UPF3A: variants seen among roughly 807,000 people sequenced by gnomAD.
UPF3A encodes the protein UPF3A regulator of nonsense mediated mRNA decay, also known as regulator of nonsense transcripts 3A.
A neutral mutation model predicts 53.5 loss-of-function variants in UPF3A; 42 were observed. The observed-to-expected ratio is 0.78, with a 90% CI of 0.61 to 1.01. UPF3A has a LOEUF of 1.01. UPF3A is among the 50% of genes least tolerant of loss of function. The pLI, the probability that UPF3A is intolerant of heterozygous loss-of-function variation, is 0.00. For missense variants in UPF3A, 575 were observed against 598.0 expected, an observed-to-expected ratio of 0.96 and a Z score of 0.40; for synonymous variants, 237 against 225.3, an observed-to-expected ratio of 1.05 and a Z score of -0.47.
chr13:114,302,135 T>G, intron 9 of UPF3A, 110 bp downstream of exon 9: 1 of 1,131,758 alleles, frequency 8.8e-7, no homozygotes, highest in Non-Finnish European at 1.2e-6. Context: ...CGCAGTGCTT[T>G]GAGCATTTTC....
intron 8 of UPF3A, among the ~76,000 whole-genome samples, chr13:114,301,328 T>C (rs1018030111): frequency 6.6e-6 from 1 of 151,832 alleles, no homozygotes; most frequent in Admixed American, 6.6e-5. Context: ...CCGGGCGTGG[T>C]CGCGGGCACC....
rs2086906832 is a variant in UPF3A at position 114,304,929 on chromosome 13, C to T, written c.*12C>T. ...AAGAGGCAGAGTGAGTCACTGCACG[C>T]ACCTGGCCTCCATGGACGAGCAAGG... On this transcript the variant is annotated 3_prime_UTR_variant, in exon 10 of 10. Coordinates refer to ENST00000375299, the MANE Select transcript of UPF3A (RefSeq NM_023011.4). 5 of 1,610,606 alleles carry T rather than the reference C, an allele frequency of 3.1e-6. No individual in the cohort carries two copies. In the South Asian group the frequency reaches 5.5e-5, roughly 18 times the overall value.
chr13:114,283,810 C>T, intron 3 of UPF3A: 1 of 985,612 alleles, frequency 1.0e-6, no homozygotes, highest in Non-Finnish European at 1.2e-6. Context: ...GTGTTCCTGG[C>T]TGTCAAGTTT....
chr13:114,288,482 A>C (rs938110115), intron 5 of UPF3A, among the ~76,000 whole-genome samples: 5 of 152,200 alleles, frequency 3.3e-5, no homozygotes, highest in African/African-American at 7.2e-5. Flanking sequence ...GTCGCTTTTC[A>C]CTGCAGGCGC....
chr13:114,301,744 A>C lies in UPF3A; in HGVS notation c.1021A>C (p.Ser341Arg), dbSNP rs766815591. 1.2e-6 allele frequency: 2 copies of C among 1,610,516 alleles called. No homozygotes were observed. Among genetic ancestry groups the C allele is most frequent in the Admixed American group, 3.3e-5 (2 of 59,734 alleles). The change falls in exon 9 of 10, where the codon AGT (serine) becomes CGT (arginine). Residue 341 changes from serine (S) to arginine (R), a missense_variant. Ser to Arg is a moderately radical substitution (Grantham distance 110). Transcript: ENST00000375299. ...EEPQETSHSGSDKEHRDVERS... is the reference protein window; with the variant it reads ...EEPQETSHSGRDKEHRDVERS... ...GTTGAATCATAGGTCACACAGCGGC[A>C]GTGATAAAGAGCACAGGGATGTGGA...
Position 114,301,727 on chromosome 13 carries a change from A to G in UPF3A, c.1008-4A>G. On this transcript the variant is annotated splice_polypyrimidine_tract_variant and splice_region_variant and intron_variant, in intron 8 of 9. Transcript: ENST00000375299. ...AGTTGCTGATCATTTGTGTTGAATC[A>G]TAGGTCACACAGCGGCAGTGATAAA... 1 of 1,605,644 alleles carries G rather than the reference A, an allele frequency of 6.2e-7. No homozygotes were observed. The highest frequency in any genetic ancestry group is 8.5e-7 in the Non-Finnish European group (1 of 1,173,716).
chr13:114,282,932 T>G lies in UPF3A; in HGVS notation c.410T>G (p.Leu137Arg). The G allele has an allele frequency of 6.2e-7, 1 of 1,606,410 alleles. No individual in the cohort carries two copies. Among genetic ancestry groups the G allele is most frequent in the South Asian group, 1.1e-5 (1 of 89,976 alleles). Residue 137 changes from leucine to arginine, a missense_variant, in exon 3 of 10, where the codon CTT (leucine) becomes CGT (arginine). Coordinates refer to ENST00000375299, the MANE Select transcript of UPF3A (RefSeq NM_023011.4). ...GATCGTTTTGATGGATATATCTTCCTTGACAGCAAAGGTTGGATTATTGGT... is the reference window on the plus strand; with the variant it reads ...GATCGTTTTGATGGATATATCTTCCGTGACAGCAAAGGTTGGATTATTGGT... ...FRDRFDGYIF[L>R]DSKGLEYPAV...
At chr13:114,284,915 A>G (rs115526311) in intron 3 of UPF3A, among the ~76,000 whole-genome samples, 3 of 152,198 alleles carry the variant, frequency 2.0e-5, no homozygotes, top group African/African-American at 7.2e-5. Context: ...TGGCCTCCCA[A>G]AGTGCTGGGC....
chr13:114,281,979 C>A lies in UPF3A; in HGVS notation c.208-42C>A, dbSNP rs577002116. The A allele has an allele frequency of 1.7e-4, 263 of 1,521,866 alleles. 6 individuals carry two copies. The South Asian group carries it at 3.0e-3, about 17-fold the overall frequency. The allele number at this position is 1,521,866 out of a possible 1,614,324, so 94.3% of individuals were successfully genotyped here. On this transcript the variant is annotated intron_variant, in intron 1 of 9. Transcript: ENST00000375299. ...ACGCGGTGCCTTTTGAGCTCCTTGT[C>A]CACGCTCCGCCCCGGTGGGAACGGC...
rs753147672 is a variant in UPF3A, at chr13:114,286,435, C to G, written c.520+35C>G. The G allele has an allele frequency of 2.4e-5, 38 of 1,612,664 alleles. No homozygotes were observed. In the South Asian group the frequency reaches 3.7e-4, roughly 16 times the overall value. Reference sequence around the variant, plus strand: ...TTCCAAGTGCTACGTTATGAAGCTGCCAAATTAAGAACACTGAGCAAATGT... The same window carrying G: ...TTCCAAGTGCTACGTTATGAAGCTGGCAAATTAAGAACACTGAGCAAATGT... On this transcript the variant is annotated intron_variant, in intron 4 of 9. Transcript: ENST00000375299.
chr13:114,290,878 C>T (rs1489328265), intron 5 of UPF3A, among the ~76,000 whole-genome samples: 1 of 151,820 alleles, frequency 6.6e-6, no homozygotes, highest in Non-Finnish European at 1.5e-5. Context: ...GGATTATAGG[C>T]GCGTGCCATC....
At chr13:114,292,699 C>G (rs1295959087) in intron 7 of UPF3A, among the ~76,000 whole-genome samples, 2 of 152,136 alleles carry the variant, frequency 1.3e-5, no homozygotes, top group Non-Finnish European at 2.9e-5. Context: ...TCAAGTGTCA[C>G]TGGGGTTTGG....
At chr13:114,285,610 G>T (rs907205428) in intron 3 of UPF3A, 1 of 152,226 alleles carries the variant, frequency 6.6e-6, no homozygotes, top group Non-Finnish European at 1.5e-5. Flanking sequence ...TGATGATTCA[G>T]CATATAGCAG....
chr13:114,291,818 T>C lies in UPF3A; in HGVS notation c.846+26T>C, dbSNP rs1477718121. The C allele has an allele frequency of 6.4e-6, 10 of 1,564,802 alleles. No individual in the cohort carries two copies. The African/African-American group carries it at 9.7e-5, about 15-fold the overall frequency. ...GTAATTCTGAGGAAACATTTCCTTT[T>C]TCCAAAAATAGCTCTGCTATAGTAA... On this transcript the variant is annotated intron_variant, in intron 7 of 9. Coordinates refer to ENST00000375299, the MANE Select transcript of UPF3A (RefSeq NM_023011.4).
intron 9 of UPF3A, among the ~76,000 whole-genome samples, chr13:114,303,917 C>A (rs1180775726): frequency 2.0e-5 from 3 of 152,208 alleles, no homozygotes; most frequent in African/African-American, 7.2e-5. Context: ...AAGTTAAACC[C>A]CCTGGTGGTA....
In UPF3A at chr13:114,304,778, T is replaced by C. The variant is rs748457568; in HGVS notation, c.1303-11T>C. 6.2e-7 allele frequency: 1 copy of C among 1,613,184 alleles called. No individual in the cohort carries two copies. The highest frequency in any genetic ancestry group is 8.5e-7 in the Non-Finnish European group (1 of 1,179,426). ...CTCTTGGAAGAGTAACATGCCCTCT[T>C]ATCCTGGCAGGACCGGCCAGCCTTG... On this transcript the variant is annotated splice_polypyrimidine_tract_variant and intron_variant, in intron 9 of 9. Transcript: ENST00000375299.
chr13:114,295,898 C>G (rs2085938619), intron 7 of UPF3A, among the ~76,000 whole-genome samples: 1 of 152,168 alleles, frequency 6.6e-6, no homozygotes, highest in Non-Finnish European at 1.5e-5. Context: ...AATGAGAGGA[C>G]TAGGGGCTGG....
intron 7 of UPF3A, among the ~76,000 whole-genome samples, chr13:114,296,610 G>A (rs898129680): frequency 9.2e-5 from 14 of 152,096 alleles, no homozygotes; most frequent in African/African-American, 3.4e-4. Flanking sequence ...CCAAATCTGA[G>A]GAGAGGCCAT....
chr13:114,297,366 AAG>A (rs1391749844), intron 7 of UPF3A, among the ~76,000 whole-genome samples: 1 of 152,224 alleles, frequency 6.6e-6, no homozygotes. Flanking sequence ...TGTTTCAGGA[AAG>A]AGAATAATCA....
Sources: gnomAD v4.1 joint callset for allele counts (sites outside exome capture counted in the v4.1 genomes callset) on GRCh38, gnomAD v4.1.1 for gene constraint, MANE v1.5 for transcripts, NCBI Gene and HGNC (gene_info 2026-07-23, HGNC 2026-07-21) for gene names.